CCDC6: variants seen among roughly 807,000 people sequenced by gnomAD.
The protein encoded by CCDC6 is coiled-coil domain containing 6, also known as coiled-coil domain-containing protein 6.
A neutral mutation model predicts 56.6 loss-of-function variants in CCDC6; 20 were observed. That is an observed-to-expected ratio of 0.35 (90% CI 0.25 to 0.51). The LOEUF (loss-of-function observed/expected upper bound fraction) is 0.51, where lower values mean the gene tolerates loss of function less well. CCDC6 is among the 20% of genes least tolerant of loss of function. CCDC6 has a pLI of 0.95. For synonymous variants in CCDC6, 241 were observed against 234.4 expected (o/e 1.03, Z -0.26); for missense variants, 367 against 601.1 (o/e 0.61, Z 4.07).
At chr10:59,800,600 C>T (rs181652584) in intron 7 of CCDC6, among the ~76,000 whole-genome samples, 8 of 145,004 alleles carry the variant, frequency 5.5e-5, no homozygotes, top group Non-Finnish European at 7.5e-5. Context: ...TTACATTTAG[C>T]CTTGTATTAA....
rs1325463054 is a variant in CCDC6 at position 59,802,612 on chromosome 10, G to GA, written c.1105+1807dup. On this transcript the variant is annotated intron_variant, in intron 7 of 8. Coordinates refer to ENST00000263102, the MANE Select transcript of CCDC6 (RefSeq NM_005436.5). ...TATTCTCATTTAGGCTAGCTGTAAG[G>GA]AAAAAAAATCTAGGTGTTACTTATG... Among the ~76,000 whole-genome samples, 10 of 151,898 alleles carry GA rather than the reference G, an allele frequency of 6.6e-5. No individual in the cohort carries two copies. In the East Asian group the frequency reaches 7.7e-4, roughly 12 times the overall value.
chr10:59,796,768 C>T lies in CCDC6; in HGVS notation c.1106-2171G>A, dbSNP rs190220576. On this transcript the variant is annotated intron_variant, in intron 7 of 8. Coordinates refer to ENST00000263102, the MANE Select transcript of CCDC6 (RefSeq NM_005436.5). ...AGGTCACAAGGTCAGGAGATCGAGA[C>T]CATCTTGGCTAACATGGTGAAACCC... Among the ~76,000 whole-genome samples, 10 of 152,146 alleles carry T rather than the reference C, an allele frequency of 6.6e-5. No individual in the cohort carries two copies. In the East Asian group the frequency reaches 7.7e-4, roughly 12 times the overall value.
intron 1 of CCDC6, among the ~76,000 whole-genome samples, chr10:59,905,198 C>T (rs2071533754): frequency 6.6e-6 from 1 of 152,034 alleles, no homozygotes; most frequent in African/African-American, 2.4e-5. Context: ...TTACGTTTCG[C>T]CTCATCACTG....
chr10:59,849,008 G>A (rs532154950), intron 2 of CCDC6, among the ~76,000 whole-genome samples: 11 of 152,186 alleles, frequency 7.2e-5, no homozygotes, highest in Non-Finnish European at 1.5e-4. Flanking sequence ...GAGCCACCAC[G>A]CTCAGCCTGT....
chr10:59,841,027 TGTG>T (rs1269248195), intron 2 of CCDC6, among the ~76,000 whole-genome samples: 5 of 152,194 alleles, frequency 3.3e-5, no homozygotes, highest in Non-Finnish European at 5.9e-5. Flanking sequence ...CTCAAAACCC[TGTG>T]GTGGCTCCTC....
intron 1 of CCDC6, among the ~76,000 whole-genome samples, chr10:59,887,641 AT>A (rs1373392710): frequency 1.3e-5 from 2 of 152,154 alleles, no homozygotes; most frequent in Non-Finnish European, 1.5e-5. Context: ...AATTAAAAAT[AT>A]TTTTTAAATG....
At chr10:59,817,269 C>T (rs2070716813) in intron 3 of CCDC6, among the ~76,000 whole-genome samples, 1 of 152,176 alleles carries the variant, frequency 6.6e-6, no homozygotes, top group African/African-American at 2.4e-5. Flanking sequence ...TAGCCTTAAC[C>T]CACTGGGCTC....
chr10:59,836,424 T>C (rs2070883497), intron 2 of CCDC6, among the ~76,000 whole-genome samples: 1 of 152,236 alleles, frequency 6.6e-6, no homozygotes, highest in Non-Finnish European at 1.5e-5. Context: ...CCATCTTCAA[T>C]ATGGGCAAAC....
At chr10:59,802,421 A>G (rs2070584267) in intron 7 of CCDC6, among the ~76,000 whole-genome samples, 1 of 152,188 alleles carries the variant, frequency 6.6e-6, no homozygotes, top group Non-Finnish European at 1.5e-5. Flanking sequence ...TACAGCCACA[A>G]ATTTTTTCCA....
At chr10:59,895,857 T>C (rs1312808864) in intron 1 of CCDC6, among the ~76,000 whole-genome samples, 1 of 152,180 alleles carries the variant, frequency 6.6e-6, no homozygotes, top group Non-Finnish European at 1.5e-5. Flanking sequence ...CTTTAGGCCA[T>C]GTGGTATCAG....
intron 3 of CCDC6, among the ~76,000 whole-genome samples, chr10:59,818,125 G>A (rs1027992023): frequency 6.6e-6 from 1 of 152,078 alleles, no homozygotes; most frequent in African/African-American, 2.4e-5. Context: ...TGTGGTTTGT[G>A]GGCCTATCTC....
At chr10:59,847,760 T>C (rs1433241428) in intron 2 of CCDC6, among the ~76,000 whole-genome samples, 1 of 150,568 alleles carries the variant, frequency 6.6e-6, no homozygotes, top group African/African-American at 2.5e-5. Flanking sequence ...ACATAACCTA[T>C]AAGTTCAGCA....
intron 3 of CCDC6, among the ~76,000 whole-genome samples, chr10:59,817,793 T>C (rs1214256946): frequency 6.6e-6 from 1 of 152,190 alleles, no homozygotes; most frequent in Non-Finnish European, 1.5e-5. Context: ...CCCTCATCTA[T>C]GAAATGAGAA....
intron 1 of CCDC6, among the ~76,000 whole-genome samples, chr10:59,903,433 C>T (rs1024756893): frequency 4.0e-5 from 6 of 151,834 alleles, no homozygotes; most frequent in African/African-American, 4.8e-5. Context: ...TTCAGTGTTA[C>T]GTGAAGATAA....
chr10:59,900,396 G>T (rs2071496605), intron 1 of CCDC6, among the ~76,000 whole-genome samples: 1 of 152,190 alleles, frequency 6.6e-6, no homozygotes, highest in Admixed American at 6.5e-5. Context: ...CATTTAAGGG[G>T]ACGAGCGGCA....
chr10:59,883,255 A>G (rs1451402596), intron 1 of CCDC6, among the ~76,000 whole-genome samples: 1 of 152,230 alleles, frequency 6.6e-6, no homozygotes, highest in Non-Finnish European at 1.5e-5. Context: ...AAAGGACTAA[A>G]GTATAGCAAT....
At chr10:59,860,719 C>T (rs117462280) in intron 1 of CCDC6, among the ~76,000 whole-genome samples, 2,506 of 152,236 alleles carry the variant, frequency 0.016, 29 homozygotes, top group Middle Eastern at 0.044. Context: ...ATCCCATATA[C>T]ATGACCTAAT....
intron 5 of CCDC6, among the ~76,000 whole-genome samples, chr10:59,807,295 G>A (rs1036986654): frequency 6.6e-6 from 1 of 152,108 alleles, no homozygotes; most frequent in African/African-American, 2.4e-5. Context: ...GACCAGCCTG[G>A]CTAACATGGT....
Position 59,868,775 on chromosome 10 carries a change from C to G in CCDC6, c.304-16073G>C, listed in dbSNP as rs141084687. ...AGAGCCAGCCCCCAGTAAAAACCCT[C>G]GGCTCCAATGAGCTTCCCTGGTAGA... On this transcript the variant is annotated intron_variant, in intron 1 of 8. Coordinates refer to ENST00000263102, the MANE Select transcript of CCDC6 (RefSeq NM_005436.5). Among the ~76,000 whole-genome samples the G allele has an allele frequency of 3.9e-5, 6 of 152,268 alleles. No individual in the cohort carries two copies. The East Asian group carries it at 1.2e-3, about 29-fold the overall frequency.
Sources: allele counts gnomAD v4.1 joint callset (sites outside exome capture counted in the v4.1 genomes callset), GRCh38; gene constraint gnomAD v4.1.1; transcripts MANE v1.5; gene names NCBI Gene and HGNC (gene_info 2026-07-23, HGNC 2026-07-21).